SYNE3: variants seen among roughly 807,000 people sequenced by gnomAD.
SYNE3 encodes the protein nesprin-3.
SYNE3 carries 100 observed loss-of-function variants against 111.2 expected under a neutral mutation model. That is an observed-to-expected ratio of 0.90 (90% confidence interval 0.77 to 1.06). The LOEUF is 1.06. Ranked by LOEUF, SYNE3 falls within the 50% of genes least tolerant of loss-of-function variation. The probability of loss-of-function intolerance (pLI) is 0.00; values close to 1 mark genes in which losing one functional copy is unlikely to be tolerated. For synonymous variants in SYNE3, 547 were observed against 533.9 expected (o/e 1.02, Z -0.34); for missense variants, 1,160 against 1,240.3 (o/e 0.94, Z 0.97).
rs377117691 is a variant in SYNE3, at chr14:95,445,902, T to C, written c.1632+7A>G. On this transcript the variant is annotated splice_region_variant and intron_variant, in intron 9 of 17. Transcript: ENST00000682763. ...CAAGTCCCGAGCAGATGCCTGGTGC[T>C]GCACACCTGCAGTTTGCTTTTCCTC... The C allele has an allele frequency of 7.2e-5, 116 of 1,613,116 alleles. No homozygotes were observed. In the African/African-American group the frequency reaches 1.5e-3, roughly 20 times the overall value.
intron 17 of SYNE3, among the ~76,000 whole-genome samples, chr14:95,428,350 G>A (rs910783): frequency 0.021 from 3,270 of 152,220 alleles, 250 homozygotes; most frequent in Admixed American, 0.15. Flanking sequence ...TGGGGGTGAC[G>A]GGCAGTAAAC....
intron 3 of SYNE3, 147 bp downstream of exon 3, chr14:95,467,648 C>CA (rs1247923428): frequency 1.1e-6 from 1 of 922,450 alleles, no homozygotes; most frequent in African/African-American, 1.7e-5. Context: ...AAGAGGCAGG[C>CA]AGGGCTGGCC....
intron 2 of SYNE3, among the ~76,000 whole-genome samples, chr14:95,473,394 G>A (rs1379443269): frequency 6.6e-6 from 1 of 152,106 alleles, no homozygotes; most frequent in Non-Finnish European, 1.5e-5. Context: ...CCCTAACACA[G>A]TGGGCACACA....
At chr14:95,481,159 A>G (rs972697257) in intron 1 of SYNE3, among the ~76,000 whole-genome samples, 13 of 152,264 alleles carry the variant, frequency 8.5e-5, no homozygotes, top group African/African-American at 2.7e-4. Context: ...TCACTGGCCC[A>G]GGACATGGAG....
rs1290819777 is a variant in SYNE3 at position 95,408,196 on chromosome 14, G to GA, written c.*9629dup. The GA allele has an allele frequency of 1.3e-5, 2 of 151,892 alleles. No homozygotes were observed. The highest frequency in any genetic ancestry group is 2.9e-5 in the Non-Finnish European group (2 of 67,966). 9.4% of individuals were successfully genotyped at this position (151,892 alleles called of 1,614,324 possible). A position where few individuals can be genotyped will look rare whatever the true frequency, so the allele number is the denominator to read the frequency against. On this transcript the variant is annotated 3_prime_UTR_variant, in exon 18 of 18. Coordinates refer to ENST00000682763, the MANE Select transcript of SYNE3 (RefSeq NM_152592.6). ...CCATGGGACGGATGACAAATGAAAC[G>GA]AAAAAATCCATCTGGGTGGGGGGCT...
intron 7 of SYNE3, chr14:95,452,016 C>T (rs1887115001): frequency 2.5e-6 from 1 of 403,774 alleles, no homozygotes; most frequent in African/African-American, 2.0e-5. Context: ...GGCTGAGCCA[C>T]TAGCCTGGAT....
rs1166896502 is a variant in SYNE3 at position 95,436,982 on chromosome 14, CT to C, written c.2377-2del. ...CTTCTTCTTCCTGTAGAAGATTTGC[CT>C]GTAGGATCACACACGGCCAAAGCGT... On this transcript the variant is annotated splice_acceptor_variant, in intron 14 of 17. Coordinates refer to ENST00000682763, the MANE Select transcript of SYNE3 (RefSeq NM_152592.6). LOFTEE classifies it high-confidence loss of function. 1.9e-6 allele frequency: 3 copies of C among 1,614,004 alleles called. No homozygotes were observed. The highest frequency in any genetic ancestry group is 1.7e-6 in the Non-Finnish European group (2 of 1,180,032).
At position 95,473,302 on chromosome 14, in the gene SYNE3, C is replaced by T. The variant is rs548440665; in HGVS notation, c.144+2376G>A. ...TGCCAATGTGTCTTCCTAAGGACCA[C>T]CCTTGACTTTGCTTAAACCAGAACC... On this transcript the variant is annotated intron_variant, in intron 2 of 17. Coordinates refer to ENST00000682763, the MANE Select transcript of SYNE3 (RefSeq NM_152592.6). Among the ~76,000 whole-genome samples the T allele has an allele frequency of 2.6e-5, 4 of 152,124 alleles. No individual in the cohort carries two copies. In the South Asian group the frequency reaches 8.3e-4, roughly 32 times the overall value.
At chr14:95,461,165 C>T (rs1055197991) in intron 4 of SYNE3, among the ~76,000 whole-genome samples, 2 of 152,200 alleles carry the variant, frequency 1.3e-5, no homozygotes, top group African/African-American at 2.4e-5. Context: ...AATGTCAAAA[C>T]CTAACCAATT....
At chr14:95,451,505 C>T (rs1453131582) in intron 7 of SYNE3, 1 of 152,196 alleles carries the variant, frequency 6.6e-6, no homozygotes. Flanking sequence ...TCCAACCCCC[C>T]AACCCCAGCC....
chr14:95,421,927 G>A (rs1470261323), intron 17 of SYNE3, among the ~76,000 whole-genome samples: 1 of 152,162 alleles, frequency 6.6e-6, no homozygotes, highest in African/African-American at 2.4e-5. Flanking sequence ...ATCTCACCCT[G>A]AGTCACTTCC....
At chr14:95,462,946 G>A (rs1053190983) in intron 4 of SYNE3, among the ~76,000 whole-genome samples, 1 of 152,042 alleles carries the variant, frequency 6.6e-6, no homozygotes, top group Non-Finnish European at 1.5e-5. Flanking sequence ...ACCTGAGGTC[G>A]GGAGTTTGAG....
In SYNE3 at chr14:95,418,040, A is replaced by G. The variant is rs772491087; in HGVS notation, c.2728-14T>C. The G allele has an allele frequency of 2.5e-6, 4 of 1,605,682 alleles. No individual in the cohort carries two copies. Among genetic ancestry groups the G allele is most frequent in the Non-Finnish European group, 1.7e-6 (2 of 1,179,568 alleles). On this transcript the variant is annotated splice_polypyrimidine_tract_variant and intron_variant, in intron 17 of 17. Transcript: ENST00000682763. Reference sequence around the variant, plus strand: ...CCACCGCCGAGTCTGCGGAACCAACACAGCACAGGTGAGTGGGCTGGGGGG... The same window carrying G: ...CCACCGCCGAGTCTGCGGAACCAACGCAGCACAGGTGAGTGGGCTGGGGGG...
At chr14:95,482,654 G>A (rs1484112916) in intron 1 of SYNE3, among the ~76,000 whole-genome samples, 1 of 152,222 alleles carries the variant, frequency 6.6e-6, no homozygotes, top group Admixed American at 6.5e-5. Flanking sequence ...ATTTTACAAA[G>A]AGGGAAACTG....
At chr14:95,438,926 G>T in intron 14 of SYNE3, 107 bp downstream of exon 14, 1 of 1,491,826 alleles carries the variant, frequency 6.7e-7, no homozygotes, top group Non-Finnish European at 9.2e-7. Context: ...AGTCCTCAGA[G>T]CAGAGCATGT....
chr14:95,500,526 C>T lies in SYNE3; in HGVS notation c.-15+16070G>A, dbSNP rs1280481607. Reference sequence around the variant, plus strand: ...CTGCCCTCTGGGACTTTGCTTTGGCCCAGCCGGACTCAGCGGGAGGAGGCT... The same window carrying T: ...CTGCCCTCTGGGACTTTGCTTTGGCTCAGCCGGACTCAGCGGGAGGAGGCT... On this transcript the variant is annotated intron_variant, in intron 1 of 17. Transcript: ENST00000682763. The surrounding 1 kb of genome is among the most constrained non-coding windows in gnomAD (Gnocchi z 4.7). 1.3e-5 allele frequency among the ~76,000 whole-genome samples: 2 copies of T among 152,312 alleles called. No homozygotes were observed. Among genetic ancestry groups the T allele is most frequent in the African/African-American group, 4.8e-5 (2 of 41,564 alleles).
chr14:95,409,189 C>G lies in SYNE3; in HGVS notation c.*8637G>C, dbSNP rs1363488973. 4.4e-6 allele frequency: 2 copies of G among 456,764 alleles called. No individual in the cohort carries two copies. The highest frequency in any genetic ancestry group is 4.7e-5 in the Admixed American group (2 of 42,586). The allele number at this position is 456,764 out of a possible 1,614,324, so 28.3% of individuals were successfully genotyped here. ...GCTCGGAGCCAGTCATGCCTGGGTA[C>G]AAGTCCCAAATTTACCACTCCCCGC... is the stretch of plus-strand genomic sequence containing the variant. On this transcript the variant is annotated 3_prime_UTR_variant, in exon 18 of 18. Coordinates refer to ENST00000682763, the MANE Select transcript of SYNE3 (RefSeq NM_152592.6).
At chr14:95,463,243 G>T (rs189686388) in intron 4 of SYNE3, among the ~76,000 whole-genome samples, 60 of 152,296 alleles carry the variant, frequency 3.9e-4, no homozygotes, top group African/African-American at 1.3e-3. Context: ...ACAGGAAAAG[G>T]TTAGAAAAAA....
At chr14:95,497,567 G>C (rs114658909) in intron 1 of SYNE3, among the ~76,000 whole-genome samples, 2 of 152,114 alleles carry the variant, frequency 1.3e-5, no homozygotes, top group African/African-American at 4.8e-5. Context: ...AATAATGCAC[G>C]GTCTGCAGAG....
Sources: gnomAD v4.1 joint callset for allele counts (sites outside exome capture counted in the v4.1 genomes callset) on GRCh38, gnomAD v4.1.1 for gene constraint, Gnocchi (gnomAD v3.1) non-coding constraint, MANE v1.5 for transcripts, NCBI Gene and HGNC (gene_info 2026-07-23, HGNC 2026-07-21) for gene names.